The following CCDC175 variants were observed in gnomAD, a reference collection of about 807,000 sequenced individuals.
The protein encoded by CCDC175 is coiled-coil domain containing 175.
A neutral mutation model predicts 114.6 loss-of-function variants in CCDC175; 100 were observed. That is an observed-to-expected ratio of 0.87 (90% confidence interval 0.74 to 1.03). CCDC175 has a LOEUF of 1.03. CCDC175 is among the 50% of genes least tolerant of loss of function. The pLI is 0.00. For missense variants in CCDC175, 880 were observed against 917.8 expected (o/e 0.96, Z 0.53); for synonymous variants, 306 against 308.7 (o/e 0.99, Z 0.09).
At chr14:59,535,803 T>C (rs948950816) in intron 13 of CCDC175, among the ~76,000 whole-genome samples, 1 of 152,232 alleles carries the variant, frequency 6.6e-6, no homozygotes, top group Admixed American at 6.5e-5. Context: ...GATCTCCCCT[T>C]GAAGGCGGAC....
chr14:59,518,382 G>C (rs1384289920), intron 17 of CCDC175, among the ~76,000 whole-genome samples: 2 of 152,028 alleles, frequency 1.3e-5, no homozygotes, highest in Admixed American at 1.3e-4. Flanking sequence ...GAGTGAACAG[G>C]CAACCTACAG....
intron 8 of CCDC175, among the ~76,000 whole-genome samples, chr14:59,548,756 G>C (rs979255137): frequency 1.2e-4 from 19 of 152,150 alleles, no homozygotes; most frequent in African/African-American, 4.6e-4. Flanking sequence ...GCAAATAAAA[G>C]AATCACAGTA....
chr14:59,518,148 T>G (rs1439519436), intron 17 of CCDC175, among the ~76,000 whole-genome samples: 3 of 152,202 alleles, frequency 2.0e-5, no homozygotes, highest in African/African-American at 7.2e-5. Context: ...ATCCCTTCCT[T>G]ACACCTTATA....
chr14:59,508,411 C>CACACACACAT (rs1555340466), intron 19 of CCDC175, among the ~76,000 whole-genome samples: 2 of 147,136 alleles, frequency 1.4e-5, no homozygotes, highest in Admixed American at 6.8e-5. Flanking sequence ...CACACACACA[C>CACACACACAT]ACACACACAC....
rs138324221 is a variant in CCDC175, at chr14:59,509,056, T to C, written c.2305+1590A>G. On this transcript the variant is annotated intron_variant, in intron 19 of 19. Transcript: ENST00000537690. ...GTCTCTACTTGTCATAGATTATCCA[T>C]CAGACCTCAAAATATATGAAAAAGG... 1.8e-4 allele frequency among the ~76,000 whole-genome samples: 27 copies of C among 152,242 alleles called. 2 individuals are homozygous for C. In the East Asian group the frequency reaches 5.2e-3, roughly 29 times the overall value.
intron 7 of CCDC175, among the ~76,000 whole-genome samples, chr14:59,555,969 C>T (rs1214119172): frequency 2.0e-5 from 3 of 152,174 alleles, no homozygotes; most frequent in South Asian, 2.1e-4. Context: ...TAAAAGAGGA[C>T]ACAAACAAAT....
At chr14:59,507,409 A>G (rs1054973041) in intron 19 of CCDC175, among the ~76,000 whole-genome samples, 1 of 152,220 alleles carries the variant, frequency 6.6e-6, no homozygotes, top group East Asian at 1.9e-4. Context: ...AGTTTATTCA[A>G]CTTTGTCACT....
rs1364152847 is a variant in CCDC175, at chr14:59,538,144, C to T, written c.1502G>A (p.Arg501Lys). 2 of 1,534,784 alleles carry T rather than the reference C, an allele frequency of 1.3e-6. No individual in the cohort carries two copies. Among genetic ancestry groups the T allele is most frequent in the Non-Finnish European group, 1.7e-6 (2 of 1,145,206 alleles). ...CACAAATCCACTGATCTCCTGTTGTCTGAAACTGGTCTAATTAGAGAAAAA... is the reference window on the plus strand; with the variant it reads ...CACAAATCCACTGATCTCCTGTTGTTTGAAACTGGTCTAATTAGAGAAAAA... ...RIELLNETSF[R>K]QQEISGFVAQ... The change falls in exon 13 of 20, where the codon AGA becomes AAA. Residue 501 changes from arginine to lysine, a missense_variant. Transcript: ENST00000537690.
chr14:59,515,821 C>T (rs934496838), intron 17 of CCDC175, among the ~76,000 whole-genome samples: 10 of 152,152 alleles, frequency 6.6e-5, no homozygotes, highest in Middle Eastern at 3.4e-3. Context: ...GCAGACCTAA[C>T]AGACATCTAC....
intron 19 of CCDC175, among the ~76,000 whole-genome samples, chr14:59,508,576 A>AG (rs1243297220): frequency 6.6e-6 from 1 of 150,940 alleles, no homozygotes; most frequent in Non-Finnish European, 1.5e-5. Context: ...AAAAAAAAAA[A>AG]AAAAAAAAAG....
chr14:59,530,902 A>C (rs893123789), intron 14 of CCDC175, among the ~76,000 whole-genome samples: 7 of 152,106 alleles, frequency 4.6e-5, no homozygotes, highest in African/African-American at 9.7e-5. Flanking sequence ...ATCATCTAGA[A>C]GATACAAATT....
chr14:59,511,426 C>T (rs1372152645), intron 18 of CCDC175, among the ~76,000 whole-genome samples: 2 of 151,492 alleles, frequency 1.3e-5, no homozygotes, highest in East Asian at 1.9e-4. Context: ...GAACTGACAA[C>T]TTTGTCCTGA....
At chr14:59,505,534 G>T (rs1873829931) in intron 19 of CCDC175, 1 of 317,726 alleles carries the variant, frequency 3.1e-6, no homozygotes, top group African/African-American at 2.1e-5. Context: ...CATATGTCCT[G>T]TTCTAGCAGA....
chr14:59,565,313 G>T, intron 4 of CCDC175, 38 bp from the exon 5 acceptor site: 1 of 1,484,566 alleles, frequency 6.7e-7, no homozygotes, highest in Non-Finnish European at 9.0e-7. Context: ...GAGAAGCACA[G>T]CTCCTAAGAA....
At chr14:59,536,533 G>A (rs557742703) in intron 13 of CCDC175, among the ~76,000 whole-genome samples, 1 of 151,882 alleles carries the variant, frequency 6.6e-6, no homozygotes, top group Non-Finnish European at 1.5e-5. Context: ...CAGGCACCTA[G>A]ACTAATGCTT....
intron 17 of CCDC175, among the ~76,000 whole-genome samples, chr14:59,514,583 G>A (rs1892955439): frequency 6.6e-6 from 1 of 152,176 alleles, no homozygotes; most frequent in African/African-American, 2.4e-5. Context: ...AAGATCAAAT[G>A]AATGAAATGA....
At chr14:59,513,759 A>T (rs1022252556) in intron 17 of CCDC175, among the ~76,000 whole-genome samples, 1 of 152,164 alleles carries the variant, frequency 6.6e-6, no homozygotes, top group Non-Finnish European at 1.5e-5. Context: ...TGCCAAACAA[A>T]AGGCAGCAGA....
At chr14:59,534,586 A>G (rs1156403756) in intron 13 of CCDC175, among the ~76,000 whole-genome samples, 1 of 152,198 alleles carries the variant, frequency 6.6e-6, no homozygotes, top group East Asian at 1.9e-4. Flanking sequence ...GTCAAGTCCT[A>G]TAATAAACCC....
intron 9 of CCDC175, among the ~76,000 whole-genome samples, chr14:59,544,714 AC>A (rs1391538117): frequency 2.6e-5 from 4 of 152,202 alleles, no homozygotes; most frequent in Admixed American, 2.6e-4. Context: ...GCAGAAAGGA[AC>A]ATTGTGGGGC....
Sources: allele counts gnomAD v4.1 joint callset (sites outside exome capture counted in the v4.1 genomes callset), GRCh38; gene constraint gnomAD v4.1.1; transcripts MANE v1.5; gene names NCBI Gene and HGNC (gene_info 2026-07-23, HGNC 2026-07-21).